Variants in HPCAL1 observed in about 807,000 individuals in gnomAD.
The protein encoded by HPCAL1 is hippocalcin-like protein 1.
A neutral mutation model predicts 17.1 loss-of-function variants in HPCAL1; 8 were observed. The observed-to-expected ratio is 0.47, with a 90% CI of 0.27 to 0.84. The LOEUF is 0.84. Among genes scored for constraint, HPCAL1 ranks in the 40% least tolerant of loss-of-function variants. The pLI is 0.13. For synonymous variants in HPCAL1, 112 were observed against 111.4 expected, an observed-to-expected ratio of 1.01 and a Z score of -0.03; for missense variants, 165 against 271.1, an observed-to-expected ratio of 0.61 and a Z score of 2.75.
rs531441482 is a variant in HPCAL1 at position 10,377,450 on chromosome 2, C to T, written c.-110-19385C>T. Among the ~76,000 whole-genome samples the T allele has an allele frequency of 3.9e-5, 6 of 152,342 alleles. 1 individual carries two copies. The East Asian group carries it at 9.7e-4, about 25-fold the overall frequency. On this transcript the variant is annotated intron_variant, in intron 1 of 4. Transcript: ENST00000307845. This position sits in a 1 kb window ranked among gnomAD's most constrained non-coding sequence, Gnocchi z 5.9. ...TACAGTCAACAACTCTCACTCGCCG[C>T]GGGCACCTGCTGTGCCCACCTGCTG...
chr2:10,389,187 G>A (rs973334291), intron 1 of HPCAL1, among the ~76,000 whole-genome samples: 1 of 152,076 alleles, frequency 6.6e-6, no homozygotes, highest in African/African-American at 2.4e-5. Context: ...ATCATCTGAC[G>A]ACCTGGAAAT....
intron 1 of HPCAL1, among the ~76,000 whole-genome samples, chr2:10,316,962 T>G (rs956596547): frequency 1.3e-5 from 2 of 152,182 alleles, no homozygotes; most frequent in Non-Finnish European, 1.5e-5. Flanking sequence ...GCTTCAGCAT[T>G]CAGAAATTGT....
intron 1 of HPCAL1, among the ~76,000 whole-genome samples, chr2:10,319,818 A>T (rs1047500563): frequency 6.6e-6 from 1 of 151,890 alleles, no homozygotes; most frequent in Admixed American, 6.6e-5. Context: ...TCCAAGCAGA[A>T]GGTCTGAAAT....
chr2:10,386,941 A>C (rs1288088397), intron 1 of HPCAL1, among the ~76,000 whole-genome samples: 4 of 152,168 alleles, frequency 2.6e-5, no homozygotes, highest in Non-Finnish European at 5.9e-5. Flanking sequence ...TGGCCTCCAC[A>C]TGAGGCAGGG....
At chr2:10,318,474 A>T (rs1045836014) in intron 1 of HPCAL1, among the ~76,000 whole-genome samples, 1 of 152,158 alleles carries the variant, frequency 6.6e-6, no homozygotes, top group African/African-American at 2.4e-5. Context: ...TTGTTAACTG[A>T]TGGGGTCCTC....
chr2:10,402,548 A>G (rs1368698176), intron 2 of HPCAL1, among the ~76,000 whole-genome samples: 1 of 152,126 alleles, frequency 6.6e-6, no homozygotes, highest in Non-Finnish European at 1.5e-5. Context: ...CCAACAGTTA[A>G]CTCCAGACTG....
At chr2:10,425,452 G>A (rs11686949) in intron 4 of HPCAL1, 28,446 of 152,358 alleles carry the variant, frequency 0.19, 2,718 homozygotes, top group African/African-American at 0.21. Context: ...GCCCAAGCCT[G>A]GGCCAGAGTC....
At chr2:10,396,741 C>A (rs1669057177) in intron 1 of HPCAL1, 94 bp from the exon 2 acceptor site, 1 of 152,304 alleles carries the variant, frequency 6.6e-6, no homozygotes, top group African/African-American at 2.4e-5. Flanking sequence ...AACTGTGATC[C>A]CCCAGCAGGC....
At chr2:10,414,889 C>T (rs938747061) in intron 2 of HPCAL1, among the ~76,000 whole-genome samples, 11 of 152,198 alleles carry the variant, frequency 7.2e-5, no homozygotes, top group African/African-American at 1.9e-4. Flanking sequence ...GCTGTTACAG[C>T]GGCAGACGGG....
rs1489344343 is a variant in HPCAL1, at chr2:10,384,456, C to T, written c.-110-12379C>T. ...CCCCTCGCTCACACTCACTACTGCC[C>T]TCCACAAACTGCCATGCTTGCTTGG... is the stretch of plus-strand genomic sequence containing the variant. On this transcript the variant is annotated intron_variant, in intron 1 of 4. Transcript: ENST00000307845. This position sits in a 1 kb window ranked among gnomAD's most constrained non-coding sequence, Gnocchi z 4.4. Among the ~76,000 whole-genome samples the T allele has an allele frequency of 2.0e-5, 3 of 152,214 alleles. No individual in the cohort carries two copies. Among genetic ancestry groups the T allele is most frequent in the African/African-American group, 2.4e-5 (1 of 41,460 alleles).
At chr2:10,389,570 T>C (rs1353811633) in intron 1 of HPCAL1, among the ~76,000 whole-genome samples, 5 of 152,232 alleles carry the variant, frequency 3.3e-5, no homozygotes, top group African/African-American at 9.6e-5. Flanking sequence ...CCCCCAGAAC[T>C]GTAAGAGGTA....
chr2:10,359,813 G>C lies in HPCAL1; in HGVS notation c.-110-37022G>C, dbSNP rs1467490000. 6.6e-6 allele frequency among the ~76,000 whole-genome samples: 1 copy of C among 152,146 alleles called. No individual in the cohort carries two copies. The highest frequency in any genetic ancestry group is 1.5e-5 in the Non-Finnish European group (1 of 68,038). On this transcript the variant is annotated intron_variant, in intron 1 of 4. Coordinates refer to ENST00000307845, the MANE Select transcript of HPCAL1 (RefSeq NM_002149.4). The surrounding 1 kb of genome is among the most constrained non-coding windows in gnomAD (Gnocchi z 4.1). ...GCGGTTTTATTGATGTATTGTGAAG[G>C]CACAGGGAGGGCCCTTTCCAGAGCA... is the stretch of plus-strand genomic sequence containing the variant.
chr2:10,406,110 C>A (rs3755264), intron 2 of HPCAL1, among the ~76,000 whole-genome samples: 1 of 152,048 alleles, frequency 6.6e-6, no homozygotes, highest in African/African-American at 2.4e-5. Context: ...AGTCATGCTC[C>A]GCGCTAATTC....
chr2:10,326,608 G>A (rs1664033884), intron 1 of HPCAL1, among the ~76,000 whole-genome samples: 1 of 152,244 alleles, frequency 6.6e-6, no homozygotes, highest in African/African-American at 2.4e-5. Context: ...CAGCAGACTG[G>A]GTTAAGGTGG....
rs1356536458 is a variant in HPCAL1, at chr2:10,395,832, A to G, written c.-110-1003A>G. On this transcript the variant is annotated intron_variant, in intron 1 of 4. Transcript: ENST00000307845. This position sits in a 1 kb window ranked among gnomAD's most constrained non-coding sequence, Gnocchi z 4.4. ...GGGATGATGATTGTGCCTGCCTCCC[A>G]GGGCTGCTGTGTGGATTACGTTGGA... Among the ~76,000 whole-genome samples, 1 of 152,124 alleles carries G rather than the reference A, an allele frequency of 6.6e-6. No individual in the cohort carries two copies. The highest frequency in any genetic ancestry group is 2.4e-5 in the African/African-American group (1 of 41,408).
chr2:10,349,436 G>C (rs55737816), intron 1 of HPCAL1, among the ~76,000 whole-genome samples: 57,196 of 151,566 alleles, frequency 0.38, 11,305 homozygotes, highest in South Asian at 0.6. Flanking sequence ...CGCCGGGCAC[G>C]GTGGCTCACA....
intron 1 of HPCAL1, among the ~76,000 whole-genome samples, chr2:10,352,077 AT>A (rs1353857854): frequency 6.6e-6 from 1 of 151,816 alleles, no homozygotes; most frequent in Non-Finnish European, 1.5e-5. Flanking sequence ...TAATTTTTGT[AT>A]TTTTAGTAGA....
At chr2:10,351,486 C>T (rs1381201528) in intron 1 of HPCAL1, among the ~76,000 whole-genome samples, 1 of 152,108 alleles carries the variant, frequency 6.6e-6, no homozygotes, top group Admixed American at 6.6e-5. Context: ...GGTCAGGTGC[C>T]ATGGCTCATG....
intron 1 of HPCAL1, among the ~76,000 whole-genome samples, chr2:10,329,019 G>T (rs1183834757): frequency 6.6e-6 from 1 of 151,544 alleles, no homozygotes; most frequent in African/African-American, 2.4e-5. Flanking sequence ...TTTTTGAGAT[G>T]GGATCTTGCC....
Sources: allele counts gnomAD v4.1 joint callset (sites outside exome capture counted in the v4.1 genomes callset), GRCh38; gene constraint gnomAD v4.1.1; non-coding constraint Gnocchi (gnomAD v3.1); transcripts MANE v1.5; gene names NCBI Gene and HGNC (gene_info 2026-07-23, HGNC 2026-07-21).